The following ANKRD52 variants were observed in gnomAD, a reference collection of about 807,000 sequenced individuals.
ANKRD52 encodes ankyrin repeat domain 52.
In ANKRD52, 7 loss-of-function variants were observed where a neutral mutation model predicts 116.0. The ratio of observed to expected loss-of-function variants is 0.06; its 90% CI spans 0.03 to 0.11. The LOEUF is 0.11. Ranked by LOEUF, ANKRD52 falls within the 10% of genes least tolerant of loss-of-function variation. The pLI is 1.00. For synonymous variants in ANKRD52, 528 were observed against 578.1 expected, an observed-to-expected ratio of 0.91 and a Z score of 1.24; for missense variants, 839 against 1,408.6, an observed-to-expected ratio of 0.60 and a Z score of 6.47.
chr12:56,247,061 CA>C (rs1384998613), intron 20 of ANKRD52, among the ~76,000 whole-genome samples: 1 of 150,350 alleles, frequency 6.7e-6, no homozygotes, highest in African/African-American at 2.4e-5. Context: ...ATCCTGGGCA[CA>C]GCGTGGGTCT....
At chr12:56,257,432 C>A in intron 2 of ANKRD52, 71 bp from the exon 3 acceptor site, 1 of 1,326,960 alleles carries the variant, frequency 7.5e-7, no homozygotes, top group Non-Finnish European at 1.1e-6. Context: ...CAGCCCAAGT[C>A]TCAGAGCTCC....
rs1871180278 is a variant in ANKRD52 at position 56,241,790 on chromosome 12, T to G, written c.*1352A>C. The G allele has an allele frequency of 2.5e-6, 1 of 392,356 alleles. No individual in the cohort carries two copies. The highest frequency in any genetic ancestry group is 2.1e-5 in the African/African-American group (1 of 48,510). The allele number at this position is 392,356 out of a possible 1,614,324, so 24.3% of individuals were successfully genotyped here. ...GCACTTAAAGGGACCAGGGCCAAAT[T>G]CAATGCTACATTTAGAGAGAAAACT... On this transcript the variant is annotated 3_prime_UTR_variant, in exon 28 of 28. Coordinates refer to ENST00000267116, the MANE Select transcript of ANKRD52 (RefSeq NM_173595.4).
chr12:56,252,163 T>G lies in ANKRD52; in HGVS notation c.1511+12A>C, dbSNP rs771967813. 6.2e-7 allele frequency: 1 copy of G among 1,613,926 alleles called. No individual in the cohort carries two copies. Among genetic ancestry groups the G allele is most frequent in the Non-Finnish European group, 8.5e-7 (1 of 1,179,848 alleles). On this transcript the variant is annotated intron_variant, in intron 14 of 27. Transcript: ENST00000267116. The surrounding 1 kb of genome is among the most constrained non-coding windows in gnomAD (Gnocchi z 4.7). ...TGAATGGGGCTGAGAAGGACCAGAC[T>G]GGTAGCCTCACCTCCTGTAAGTGTC...
rs1472211574 is a variant in ANKRD52 at position 56,239,096 on chromosome 12, A to C, written c.*4046T>G. 6.6e-6 allele frequency: 1 copy of C among 152,322 alleles called. No homozygotes were observed. Among genetic ancestry groups the C allele is most frequent in the Non-Finnish European group, 1.5e-5 (1 of 68,118 alleles). The allele number at this position is 152,322 out of a possible 1,614,324, so 9.4% of individuals were successfully genotyped here. A position where few individuals can be genotyped will look rare whatever the true frequency, so the allele number is the denominator to read the frequency against. On this transcript the variant is annotated 3_prime_UTR_variant, in exon 28 of 28. Transcript: ENST00000267116. The stretch of plus-strand genomic sequence containing the variant: ...AGTGACAGTGTCCCCCTCACACCTA[A>C]GTGGGCAACAGCAGCCTTGGAGTCA...
chr12:56,247,553 T>C lies in ANKRD52; in HGVS notation c.2124A>G (p.Leu708=), dbSNP rs1389113357. ...NGHVDCVHLL[L]EKGSTADAAD... is the part of the protein sequence containing the mutation. Reference sequence around the variant, plus strand: ...CAGCATCAGCTGTGGATCCTTTCTCTAGCAGCAGATGTACACAGTCCACAT... The same window carrying C: ...CAGCATCAGCTGTGGATCCTTTCTCCAGCAGCAGATGTACACAGTCCACAT... The change falls in exon 20 of 28, where the codon CTA becomes CTG. Residue 708 remains leucine (L), a synonymous_variant. Coordinates refer to ENST00000267116, the MANE Select transcript of ANKRD52 (RefSeq NM_173595.4). 2 of 1,597,434 alleles carry C rather than the reference T, an allele frequency of 1.3e-6. No individual in the cohort carries two copies. Among genetic ancestry groups the C allele is most frequent in the African/African-American group, 2.7e-5 (2 of 74,658 alleles).
chr12:56,242,329 GA>G lies in ANKRD52; in HGVS notation c.*812del, dbSNP rs1871201658. On this transcript the variant is annotated 3_prime_UTR_variant, in exon 28 of 28. Coordinates refer to ENST00000267116, the MANE Select transcript of ANKRD52 (RefSeq NM_173595.4). This position sits in a 1 kb window ranked among gnomAD's most constrained non-coding sequence, Gnocchi z 4.3. ...TTCAAGGGAAGGAGAGCCAGGGCAGGAATGACCACAGGCTCTGCCCTCCCAA... is the reference window on the plus strand; with the variant it reads ...TTCAAGGGAAGGAGAGCCAGGGCAGGATGACCACAGGCTCTGCCCTCCCAA... The G allele has an allele frequency of 1.0e-5, 4 of 395,490 alleles. No homozygotes were observed. The East Asian group carries it at 1.4e-4, about 14-fold the overall frequency. 24.5% of individuals were successfully genotyped at this position (395,490 alleles called of 1,614,324 possible). A position where few individuals can be genotyped will look rare whatever the true frequency, so the allele number is the denominator to read the frequency against.
intron 21 of ANKRD52, 53 bp from the exon 22 acceptor site, chr12:56,245,243 T>C (rs1871341330): frequency 5.0e-6 from 8 of 1,608,424 alleles, no homozygotes; most frequent in Non-Finnish European, 6.8e-6. Context: ...AGGTTCCCTG[T>C]CTGTCCTGTG....
Position 56,252,062 on chromosome 12 carries a change from G to T in ANKRD52, c.1545C>A (p.Ala515=), listed in dbSNP as rs751836075. 6.2e-7 allele frequency: 1 copy of T among 1,613,560 alleles called. No homozygotes were observed. The highest frequency in any genetic ancestry group is 8.5e-7 in the Non-Finnish European group (1 of 1,179,860). The change falls in exon 15 of 28, where the codon GCC becomes GCA. Residue 515 remains alanine, a synonymous_variant. Transcript: ENST00000267116. This position sits in a 1 kb window ranked among gnomAD's most constrained non-coding sequence, Gnocchi z 4.7. ...AEPHTPSSHD[A]EEDEPLKESR... is the part of the protein sequence containing the mutation. ...ACTCCTTCAGTGGCTCGTCCTCTTC[G>T]GCATCATGGCTGGAAGGTGTATGGG...
chr12:56,241,153 G>A lies in ANKRD52; in HGVS notation c.*1989C>T, dbSNP rs1871151802. On this transcript the variant is annotated 3_prime_UTR_variant, in exon 28 of 28. Coordinates refer to ENST00000267116, the MANE Select transcript of ANKRD52 (RefSeq NM_173595.4). The stretch of plus-strand genomic sequence containing the variant: ...ACACGGTGTGGAGGGAGGTGGGCAA[G>A]AGGGGCGTCACAAGGCCCTTTGGCT... 1 of 145,698 alleles carries A rather than the reference G, an allele frequency of 6.9e-6. No individual in the cohort carries two copies. Among genetic ancestry groups the A allele is most frequent in the Admixed American group, 6.8e-5 (1 of 14,626 alleles). 9.0% of individuals were successfully genotyped at this position (145,698 alleles called of 1,614,324 possible). A position where few individuals can be genotyped will look rare whatever the true frequency, so the allele number is the denominator to read the frequency against.
rs1255476413 is a variant in ANKRD52, at chr12:56,244,898, T to C, written c.2576+8A>G. On this transcript the variant is annotated splice_region_variant and intron_variant, in intron 23 of 27. Coordinates refer to ENST00000267116, the MANE Select transcript of ANKRD52 (RefSeq NM_173595.4). This position sits in a 1 kb window ranked among gnomAD's most constrained non-coding sequence, Gnocchi z 4.9. Reference sequence around the variant, plus strand: ...ACTGGGATTCTTCCCAAGTCTTCCATCACTCACCGTCCTTTGGCATCTCGG... The same window carrying C: ...ACTGGGATTCTTCCCAAGTCTTCCACCACTCACCGTCCTTTGGCATCTCGG... 1.2e-6 allele frequency: 2 copies of C among 1,613,954 alleles called. No homozygotes were observed. Among genetic ancestry groups the C allele is most frequent in the Non-Finnish European group, 1.7e-6 (2 of 1,179,894 alleles).
Position 56,241,631 on chromosome 12 carries a change from G to A in ANKRD52, c.*1511C>T, listed in dbSNP as rs970403213. On this transcript the variant is annotated 3_prime_UTR_variant, in exon 28 of 28. Transcript: ENST00000267116. Reference sequence around the variant, plus strand: ...CTGGGCAAGGATGCAGTGTGGGGGCGGAGGGGGCATGACCTCTATTCAAGT... The same window carrying A: ...CTGGGCAAGGATGCAGTGTGGGGGCAGAGGGGGCATGACCTCTATTCAAGT... 4 of 207,078 alleles carry A rather than the reference G, an allele frequency of 1.9e-5. No individual in the cohort carries two copies. Among genetic ancestry groups the A allele is most frequent in the East Asian group, 1.0e-4 (1 of 9,976 alleles). 12.8% of individuals were successfully genotyped at this position (207,078 alleles called of 1,614,324 possible). A position where few individuals can be genotyped will look rare whatever the true frequency, so the allele number is the denominator to read the frequency against.
intron 4 of ANKRD52, 137 bp from the exon 5 acceptor site, chr12:56,256,121 T>C (rs1871941057): frequency 9.4e-6 from 8 of 847,350 alleles, no homozygotes; most frequent in Non-Finnish European, 1.5e-5. Flanking sequence ...CCAACATACC[T>C]AGCCTCTGAA....
chr12:56,244,750 C>T lies in ANKRD52; in HGVS notation c.2624G>A (p.Arg875Gln), dbSNP rs758597704. 16 of 1,613,682 alleles carry T rather than the reference C, an allele frequency of 9.9e-6. No homozygotes were observed. The highest frequency in any genetic ancestry group is 5.5e-5 in the South Asian group (5 of 91,084). Reference protein sequence around the residue: ...AAFADNVSGLRMLLQHQAEVN... With the variant: ...AAFADNVSGLQMLLQHQAEVN... The stretch of plus-strand genomic sequence containing the variant: ...CTCAGCTTGATGCTGCAGCAGCATC[C>T]GGAGCCCAGAGACATTGTCCGCGAA... Residue 875 changes from arginine (R) to glutamine (Q), a missense_variant, in exon 24 of 28, where the codon CGG (arginine) becomes CAG (glutamine). Arg to Gln is a conservative substitution (Grantham distance 43). Coordinates refer to ENST00000267116, the MANE Select transcript of ANKRD52 (RefSeq NM_173595.4). This position sits in a 1 kb window ranked among gnomAD's most constrained non-coding sequence, Gnocchi z 4.9.
chr12:56,251,536 A>T (rs1002352589), intron 15 of ANKRD52, among the ~76,000 whole-genome samples: 4 of 152,168 alleles, frequency 2.6e-5, no homozygotes, highest in African/African-American at 9.7e-5. Context: ...TTGAGCCACT[A>T]CGCCCAGCCT....
chr12:56,256,876 A>G, intron 4 of ANKRD52, 139 bp downstream of exon 4: 1 of 893,406 alleles, frequency 1.1e-6, no homozygotes. Context: ...GGGTAGGAGG[A>G]AGGGGCCAAG....
Position 56,241,366 on chromosome 12 carries a change from G to C in ANKRD52, c.*1776C>G, listed in dbSNP as rs1199664745. ...CCAGGCTTCTGGAAACCAGCATGAG[G>C]TATGGTTAAAGGTATCCGTTGGGGA... On this transcript the variant is annotated 3_prime_UTR_variant, in exon 28 of 28. Transcript: ENST00000267116. 1.3e-5 allele frequency: 2 copies of C among 151,940 alleles called. No individual in the cohort carries two copies. Among genetic ancestry groups the C allele is most frequent in the Non-Finnish European group, 2.9e-5 (2 of 67,968 alleles). 9.4% of individuals were successfully genotyped at this position (151,940 alleles called of 1,614,324 possible). A position where few individuals can be genotyped will look rare whatever the true frequency, so the allele number is the denominator to read the frequency against.
intron 4 of ANKRD52, among the ~76,000 whole-genome samples, chr12:56,256,801 A>C (rs1187315523): frequency 1.3e-5 from 2 of 152,144 alleles, no homozygotes; most frequent in African/African-American, 4.8e-5. Flanking sequence ...CTGCCAGCCC[A>C]GTGTTAAGCT....
At position 56,244,599 on chromosome 12, in the gene ANKRD52, T is replaced by C; in HGVS notation, c.2722+53A>G. On this transcript the variant is annotated intron_variant, in intron 24 of 27. Transcript: ENST00000267116. The surrounding 1 kb of genome is among the most constrained non-coding windows in gnomAD (Gnocchi z 4.9). Reference sequence around the variant, plus strand: ...AGCCTCCACAGGCAGGGCTGACCCATCCTGCAAATGCCCCAGGGGAGCTCC... The same window carrying C: ...AGCCTCCACAGGCAGGGCTGACCCACCCTGCAAATGCCCCAGGGGAGCTCC... 3.1e-6 allele frequency: 5 copies of C among 1,609,044 alleles called. No homozygotes were observed. Among genetic ancestry groups the C allele is most frequent in the Non-Finnish European group, 4.2e-6 (5 of 1,177,386 alleles).
chr12:56,253,273 G>C lies in ANKRD52; in HGVS notation c.1100+15C>G. The C allele has an allele frequency of 1.9e-6, 3 of 1,604,332 alleles. No individual in the cohort carries two copies. Among genetic ancestry groups the C allele is most frequent in the Non-Finnish European group, 2.6e-6 (3 of 1,172,366 alleles). On this transcript the variant is annotated intron_variant, in intron 10 of 27. Transcript: ENST00000267116. This position sits in a 1 kb window ranked among gnomAD's most constrained non-coding sequence, Gnocchi z 5.5. ...ATCTGGGCAGCCCAGAAGTGGAGTC[G>C]GGGCCCTGACTCACCGGGCGGTATC...
Sources: allele counts gnomAD v4.1 joint callset (sites outside exome capture counted in the v4.1 genomes callset), GRCh38; gene constraint gnomAD v4.1.1; non-coding constraint Gnocchi (gnomAD v3.1); transcripts MANE v1.5; gene names NCBI Gene and HGNC (gene_info 2026-07-23, HGNC 2026-07-21).